The following MAGI2 variants were observed in gnomAD, a reference collection of about 807,000 sequenced individuals.
MAGI2 encodes the protein membrane associated guanylate kinase, WW and PDZ domain containing 2.
Under a neutral mutation model 133.3 loss-of-function variants are expected in MAGI2, and 35 were observed. The observed-to-expected ratio is 0.26, with a 90% confidence interval of 0.20 to 0.35. MAGI2 has a LOEUF of 0.35. Among genes scored for constraint, MAGI2 ranks in the 10% least tolerant of loss-of-function variants. The pLI is 1.00. For synonymous variants in MAGI2, 729 were observed against 710.6 expected (o/e 1.03, Z -0.41); for missense variants, 1,636 against 1,863.4 (o/e 0.88, Z 2.25).
chr7:79,067,702 T>C (rs1293129460), intron 1 of MAGI2, among the ~76,000 whole-genome samples: 1 of 152,226 alleles, frequency 6.6e-6, no homozygotes, highest in Non-Finnish European at 1.5e-5. Context: ...AGGGAATGCT[T>C]CCAGCTTTTG....
intron 1 of MAGI2, among the ~76,000 whole-genome samples, chr7:79,359,756 A>G (rs995475966): frequency 6.6e-6 from 1 of 151,812 alleles, no homozygotes; most frequent in Non-Finnish European, 1.5e-5. Context: ...ATATCCAATT[A>G]AACTATGTCT....
At chr7:78,163,419 G>A (rs530452417) in intron 15 of MAGI2, among the ~76,000 whole-genome samples, 8 of 152,228 alleles carry the variant, frequency 5.3e-5, no homozygotes, top group Admixed American at 2.6e-4. Flanking sequence ...GATTACAGGC[G>A]TGAGCCACCG....
rs190382539 is a variant in MAGI2 at position 79,283,936 on chromosome 7, T to C, written c.301+169084A>G. 4.6e-5 allele frequency among the ~76,000 whole-genome samples: 7 copies of C among 152,178 alleles called. No homozygotes were observed. The East Asian group carries it at 1.4e-3, about 29-fold the overall frequency. ...CTGTATCTTTGTATCTTTATCTATA[T>C]TAGATACACAAATACTTATTATTGT... On this transcript the variant is annotated intron_variant, in intron 1 of 21. Coordinates refer to ENST00000354212, the MANE Select transcript of MAGI2 (RefSeq NM_012301.4).
At chr7:78,341,454 A>G (rs1331694945) in intron 9 of MAGI2, among the ~76,000 whole-genome samples, 4 of 152,116 alleles carry the variant, frequency 2.6e-5, no homozygotes, top group Non-Finnish European at 4.4e-5. Flanking sequence ...ACTGGAAAAA[A>G]CCACCATAAA....
Position 79,235,604 on chromosome 7 carries a change from C to T in MAGI2, c.301+217416G>A, listed in dbSNP as rs905565481. On this transcript the variant is annotated intron_variant, in intron 1 of 21. Transcript: ENST00000354212. ...TGTTTGACTCGGAAAGGGAACTCCC[C>T]GACCCCTTGCGCTTCCCAAGTGAGG... Among the ~76,000 whole-genome samples the T allele has an allele frequency of 9.2e-5, 14 of 152,284 alleles. No homozygotes were observed. In the East Asian group the frequency reaches 1.6e-3, roughly 17 times the overall value.
At chr7:78,429,287 G>C (rs1481222233) in intron 6 of MAGI2, among the ~76,000 whole-genome samples, 1 of 149,788 alleles carries the variant, frequency 6.7e-6, no homozygotes. Flanking sequence ...GGTCTTTGGT[G>C]CTATGCTTGA....
intron 1 of MAGI2, among the ~76,000 whole-genome samples, chr7:79,041,831 A>G (rs924112746): frequency 6.6e-6 from 1 of 152,170 alleles, no homozygotes; most frequent in African/African-American, 2.4e-5. Flanking sequence ...CCTCAACTCA[A>G]TATTATACCA....
Position 78,961,842 on chromosome 7 carries a change from T to C in MAGI2, c.418+45248A>G, listed in dbSNP as rs564787654. Among the ~76,000 whole-genome samples, 3 of 151,904 alleles carry C rather than the reference T, an allele frequency of 2.0e-5. No homozygotes were observed. The South Asian group carries it at 6.3e-4, about 32-fold the overall frequency. ...GTCATTGTGCGAATATCGTAGGATG[T>C]ACTTACACAAACCTAGATGGTATAG... On this transcript the variant is annotated intron_variant, in intron 2 of 21. Coordinates refer to ENST00000354212, the MANE Select transcript of MAGI2 (RefSeq NM_012301.4).
intron 1 of MAGI2, among the ~76,000 whole-genome samples, chr7:79,440,028 A>AG (rs1848395030): frequency 6.6e-6 from 1 of 152,076 alleles, no homozygotes; most frequent in Non-Finnish European, 1.5e-5. Context: ...AACATTTCAA[A>AG]GCTCATCTTT....
intron 15 of MAGI2, among the ~76,000 whole-genome samples, chr7:78,161,119 T>C (rs905677647): frequency 2.0e-5 from 3 of 152,180 alleles, no homozygotes; most frequent in Non-Finnish European, 4.4e-5. Flanking sequence ...TTGAAGGTCT[T>C]TTCCATTTTT....
intron 16 of MAGI2, among the ~76,000 whole-genome samples, chr7:78,153,463 C>T (rs3807689): frequency 0.73 from 110,565 of 152,032 alleles, 40,730 homozygotes; most frequent in African/African-American, 0.85. Context: ...TATACAAATG[C>T]CATCAATTTA....
chr7:78,501,235 G>A (rs1423321214), intron 5 of MAGI2, among the ~76,000 whole-genome samples: 1 of 152,110 alleles, frequency 6.6e-6, no homozygotes, highest in Non-Finnish European at 1.5e-5. Flanking sequence ...ATTTCATTTT[G>A]ACAAGACGGG....
chr7:79,125,537 G>A (rs1466736334), intron 1 of MAGI2: 4 of 513,398 alleles, frequency 7.8e-6, no homozygotes. Flanking sequence ...CAGGGCAGTG[G>A]CTATGGTGGG....
intron 3 of MAGI2, among the ~76,000 whole-genome samples, chr7:78,624,890 T>C (rs548239286): frequency 6.6e-6 from 1 of 152,316 alleles, no homozygotes; most frequent in Non-Finnish European, 1.5e-5. Flanking sequence ...TTTTTATTGT[T>C]ATTTTAGGAG....
chr7:78,966,654 T>C (rs964450960), intron 2 of MAGI2, among the ~76,000 whole-genome samples: 3 of 152,132 alleles, frequency 2.0e-5, no homozygotes, highest in African/African-American at 7.2e-5. Flanking sequence ...GAATATCTCT[T>C]TGAGATTTTG....
Position 78,903,172 on chromosome 7 carries a change from C to CTTTTTTTTTTTTTTTTTTTTTT in MAGI2, c.418+103896_418+103917dup, listed in dbSNP as rs10526268. Among the ~76,000 whole-genome samples, 6 of 56,120 alleles carry CTTTTTTTTTTTTTTTTTTTTTT rather than the reference C, an allele frequency of 1.1e-4. 2 individuals are homozygous for CTTTTTTTTTTTTTTTTTTTTTT. Among genetic ancestry groups the CTTTTTTTTTTTTTTTTTTTTTT allele is most frequent in the Non-Finnish European group, 1.9e-4 (6 of 30,844 alleles). 36.8% of individuals were successfully genotyped at this position (56,120 alleles called of 152,430 possible). A position where few individuals can be genotyped will look rare whatever the true frequency, so the allele number is the denominator to read the frequency against. ...TTCATGCAAGTGGGAGTTCCTGAATCTTTTTTTTTTTTTTTTTTTTTTTTT... is the reference window on the plus strand; with the variant it reads ...TTCATGCAAGTGGGAGTTCCTGAATCTTTTTTTTTTTTTTTTTTTTTTTTTTTTTTTTTTTTTTTTTTTTTTT... On this transcript the variant is annotated intron_variant, in intron 2 of 21. Coordinates refer to ENST00000354212, the MANE Select transcript of MAGI2 (RefSeq NM_012301.4).
At chr7:78,746,174 CT>C (rs1822911482) in intron 2 of MAGI2, among the ~76,000 whole-genome samples, 1 of 152,152 alleles carries the variant, frequency 6.6e-6, no homozygotes, top group South Asian at 2.1e-4. Flanking sequence ...TGCCTCCTGA[CT>C]TTGTTTAATT....
chr7:78,825,202 C>T (rs1241528482), intron 2 of MAGI2, among the ~76,000 whole-genome samples: 18 of 151,912 alleles, frequency 1.2e-4, no homozygotes, highest in African/African-American at 3.1e-4. Context: ...TGTATACCTA[C>T]GTAACAAACT....
At chr7:78,058,764 C>G (rs1213240196) in intron 21 of MAGI2, among the ~76,000 whole-genome samples, 1 of 152,086 alleles carries the variant, frequency 6.6e-6, no homozygotes, top group African/African-American at 2.4e-5. Flanking sequence ...ACTAAGGCAT[C>G]TTATAACTGA....
Sources: allele counts gnomAD v4.1 joint callset (sites outside exome capture counted in the v4.1 genomes callset), GRCh38; gene constraint gnomAD v4.1.1; transcripts MANE v1.5; gene names NCBI Gene and HGNC (gene_info 2026-07-23, HGNC 2026-07-21).